Variants in ASTN2 observed in about 807,000 individuals in gnomAD.
The protein encoded by ASTN2 is astrotactin 2.
ASTN2 carries 54 observed loss-of-function variants against 139.8 expected under a neutral mutation model. The ratio of observed to expected loss-of-function variants is 0.39; its 90% CI spans 0.31 to 0.48. The LOEUF is 0.48. Ranked by LOEUF, ASTN2 falls within the 20% of genes least tolerant of loss-of-function variation. The pLI is 0.95. For synonymous variants in ASTN2, 756 were observed against 719.5 expected (o/e 1.05, Z -0.81); for missense variants, 1,565 against 1,725.1 (o/e 0.91, Z 1.64).
chr9:117,260,902 A>G (rs556336278), intron 2 of ASTN2, among the ~76,000 whole-genome samples: 1 of 152,258 alleles, frequency 6.6e-6, no homozygotes, highest in Admixed American at 6.5e-5. Context: ...ATTTGAAAGT[A>G]CTCCATACAA....
rs527407685 is a variant in ASTN2 at position 116,553,869 on chromosome 9, A to G, written c.3355+64455T>C. On this transcript the variant is annotated intron_variant, in intron 19 of 22. Coordinates refer to ENST00000313400, the MANE Select transcript of ASTN2 (RefSeq NM_001365068.1). ...AAAATTGAAGTTTTAGAAAACTGCT[A>G]TGGAAGGACAAGATATCAGCCTCCA... Among the ~76,000 whole-genome samples, 19 of 152,340 alleles carry G rather than the reference A, an allele frequency of 1.2e-4. 1 individual carries two copies. The highest frequency in any genetic ancestry group is 4.6e-4 in the African/African-American group (19 of 41,578).
intron 4 of ASTN2, among the ~76,000 whole-genome samples, chr9:117,128,248 C>G (rs1311606320): frequency 6.6e-6 from 1 of 151,784 alleles, no homozygotes; most frequent in Non-Finnish European, 1.5e-5. Context: ...CTGGTGTGTG[C>G]CTGTAGTCCC....
chr9:116,481,764 T>A (rs916225538), intron 20 of ASTN2, among the ~76,000 whole-genome samples: 1 of 152,188 alleles, frequency 6.6e-6, no homozygotes, highest in Non-Finnish European at 1.5e-5. Flanking sequence ...CTCCCATCTA[T>A]AGGCTGTGAT....
chr9:117,266,869 A>G (rs1474172909), intron 2 of ASTN2, among the ~76,000 whole-genome samples: 4 of 152,232 alleles, frequency 2.6e-5, no homozygotes, highest in Admixed American at 2.0e-4. Flanking sequence ...AGTGGTCTCA[A>G]CAAATGTTCA....
At chr9:117,212,741 AATCTC>A (rs1832179876) in intron 3 of ASTN2, among the ~76,000 whole-genome samples, 1 of 152,314 alleles carries the variant, frequency 6.6e-6, no homozygotes, top group African/African-American at 2.4e-5. Flanking sequence ...AATGAGGTAT[AATCTC>A]ATCTCAGTTA....
At chr9:116,502,406 A>C (rs1849896680) in intron 19 of ASTN2, among the ~76,000 whole-genome samples, 1 of 151,970 alleles carries the variant, frequency 6.6e-6, no homozygotes. Flanking sequence ...CTGAAGCAGA[A>C]ACTGAGAGCC....
intron 16 of ASTN2, among the ~76,000 whole-genome samples, chr9:116,704,949 A>T (rs547289684): frequency 2.6e-5 from 4 of 152,182 alleles, no homozygotes; most frequent in African/African-American, 9.6e-5. Context: ...TAGAGATGAA[A>T]TTTTTTTTAA....
intron 19 of ASTN2, among the ~76,000 whole-genome samples, chr9:116,524,995 T>C (rs184851443): frequency 2.6e-5 from 4 of 152,290 alleles, no homozygotes; most frequent in African/African-American, 9.6e-5. Flanking sequence ...TGGAATAGTT[T>C]GGAGGGCACA....
At chr9:117,073,918 A>G (rs1224528587) in intron 5 of ASTN2, among the ~76,000 whole-genome samples, 1 of 152,162 alleles carries the variant, frequency 6.6e-6, no homozygotes, top group Non-Finnish European at 1.5e-5. Flanking sequence ...GTCAGAGAAA[A>G]TGGACTCGAG....
chr9:117,257,089 C>T (rs1376227658), intron 2 of ASTN2, among the ~76,000 whole-genome samples: 1 of 152,310 alleles, frequency 6.6e-6, no homozygotes. Context: ...AGTGCACATA[C>T]ACACAAAGAT....
intron 19 of ASTN2, among the ~76,000 whole-genome samples, chr9:116,559,369 T>C (rs566717808): frequency 1.3e-5 from 2 of 152,242 alleles, no homozygotes; most frequent in African/African-American, 4.8e-5. Flanking sequence ...TACATCTCTA[T>C]GCAGAGTCCT....
intron 16 of ASTN2, chr9:116,686,717 G>T: frequency 1.3e-6 from 2 of 1,550,496 alleles, no homozygotes; most frequent in Middle Eastern, 3.3e-4. Context: ...CAGGGACAGG[G>T]GCTGCAGAGT....
intron 4 of ASTN2, among the ~76,000 whole-genome samples, chr9:117,121,255 G>A (rs1829551323): frequency 6.6e-6 from 1 of 152,174 alleles, no homozygotes; most frequent in Admixed American, 6.5e-5. Flanking sequence ...CTGGGCTAGA[G>A]GAACAAGAAA....
chr9:116,735,282 C>T (rs1052054408), intron 13 of ASTN2, among the ~76,000 whole-genome samples: 1 of 152,076 alleles, frequency 6.6e-6, no homozygotes, highest in Non-Finnish European at 1.5e-5. Flanking sequence ...ATGGGTTCTA[C>T]CTAGATGGTT....
intron 10 of ASTN2, among the ~76,000 whole-genome samples, chr9:116,927,813 C>T (rs988563935): frequency 6.6e-6 from 1 of 152,162 alleles, no homozygotes; most frequent in African/African-American, 2.4e-5. Flanking sequence ...CATAAGTGTT[C>T]TTGGAATATG....
chr9:117,148,806 T>C (rs1030278927), intron 3 of ASTN2, among the ~76,000 whole-genome samples: 2 of 152,134 alleles, frequency 1.3e-5, no homozygotes, highest in Admixed American at 6.6e-5. Flanking sequence ...TTCTCCATAC[T>C]GTGCATGAGC....
rs561262703 is a variant in ASTN2, at chr9:116,811,547, G to T, written c.2208-5727C>A. 5.9e-5 allele frequency among the ~76,000 whole-genome samples: 9 copies of T among 152,296 alleles called. No individual in the cohort carries two copies. In the South Asian group the frequency reaches 1.9e-3, roughly 32 times the overall value. ...AGATTCTAAGGTAGTCACAAGTTGA[G>T]ATTTTAGAGCTAACTAAACTTGAGT... On this transcript the variant is annotated intron_variant, in intron 12 of 22. Coordinates refer to ENST00000313400, the MANE Select transcript of ASTN2 (RefSeq NM_001365068.1).
At chr9:116,649,732 A>G (rs749707015) in intron 17 of ASTN2, among the ~76,000 whole-genome samples, 2 of 151,646 alleles carry the variant, frequency 1.3e-5, no homozygotes, top group Non-Finnish European at 2.9e-5. Flanking sequence ...TGTCCCATGG[A>G]TGGGAATTTG....
At chr9:116,816,421 A>G (rs1196034410) in intron 12 of ASTN2, among the ~76,000 whole-genome samples, 1 of 152,164 alleles carries the variant, frequency 6.6e-6, no homozygotes, top group Non-Finnish European at 1.5e-5. Context: ...GTCAATATCA[A>G]TCAGGACCCA....
Sources: allele counts gnomAD v4.1 joint callset (sites outside exome capture counted in the v4.1 genomes callset), GRCh38; gene constraint gnomAD v4.1.1; transcripts MANE v1.5; gene names NCBI Gene and HGNC (gene_info 2026-07-23, HGNC 2026-07-21).